Variants in ASCC3 observed in about 807,000 individuals in gnomAD.
ASCC3 encodes activating signal cointegrator 1 complex subunit 3, also known as ASC-1 complex subunit P200.
In ASCC3, 158 loss-of-function variants were observed where a neutral mutation model predicts 256.3. That is an observed-to-expected ratio of 0.62 (90% CI 0.54 to 0.70). The LOEUF is 0.70. Ranked by LOEUF, ASCC3 falls within the 30% of genes least tolerant of loss-of-function variation. The pLI, the probability that ASCC3 is intolerant of heterozygous loss-of-function variation, is 0.00. For missense variants in ASCC3, 2,259 were observed against 2,626.0 expected, an observed-to-expected ratio of 0.86 and a Z score of 3.05; for synonymous variants, 948 against 883.4, an observed-to-expected ratio of 1.07 and a Z score of -1.30.
chr6:100,573,998 C>T (rs538733758), intron 36 of ASCC3, among the ~76,000 whole-genome samples: 20 of 152,022 alleles, frequency 1.3e-4, no homozygotes, highest in Non-Finnish European at 2.6e-4. Context: ...CTCCTTTTGC[C>T]TTGAATGCTG....
chr6:100,823,212 G>A (rs1771139160), intron 4 of ASCC3, among the ~76,000 whole-genome samples: 1 of 152,152 alleles, frequency 6.6e-6, no homozygotes, highest in South Asian at 2.1e-4. Flanking sequence ...AACAGGTGCT[G>A]TTCTCACTCA....
At chr6:100,639,913 G>A (rs570822624) in intron 24 of ASCC3, among the ~76,000 whole-genome samples, 15 of 152,144 alleles carry the variant, frequency 9.9e-5, no homozygotes, top group African/African-American at 3.6e-4. Context: ...TCAGGAGTTC[G>A]AGAACAGCCT....
chr6:100,673,852 G>T (rs1360550751), intron 14 of ASCC3, among the ~76,000 whole-genome samples: 2 of 152,152 alleles, frequency 1.3e-5, no homozygotes, highest in Non-Finnish European at 2.9e-5. Context: ...AGCCCTCCAT[G>T]CACCTTACAT....
intron 34 of ASCC3, among the ~76,000 whole-genome samples, chr6:100,600,580 T>C (rs746964035): frequency 1.5e-4 from 23 of 152,140 alleles, no homozygotes; most frequent in Non-Finnish European, 2.5e-4. Flanking sequence ...AGTGAAAATG[T>C]TGGCTGAAAA....
At chr6:100,601,153 G>A (rs896487186) in intron 34 of ASCC3, among the ~76,000 whole-genome samples, 1 of 152,040 alleles carries the variant, frequency 6.6e-6, no homozygotes, top group Admixed American at 6.6e-5. Flanking sequence ...TTTGGATGAA[G>A]TGTCACCTTT....
At chr6:100,704,771 T>C (rs1778506803) in intron 13 of ASCC3, among the ~76,000 whole-genome samples, 1 of 152,034 alleles carries the variant, frequency 6.6e-6, no homozygotes, top group Non-Finnish European at 1.5e-5. Flanking sequence ...CAAGGCCTTT[T>C]ATTCCTTAAA....
intron 1 of ASCC3, among the ~76,000 whole-genome samples, chr6:100,877,478 T>C (rs1274391541): frequency 6.6e-6 from 1 of 152,216 alleles, no homozygotes; most frequent in Non-Finnish European, 1.5e-5. Flanking sequence ...TTGTTAACAT[T>C]AGCAAGATCA....
chr6:100,682,610 A>T (rs1370616985), intron 13 of ASCC3, among the ~76,000 whole-genome samples: 1 of 152,180 alleles, frequency 6.6e-6, no homozygotes, highest in Non-Finnish European at 1.5e-5. Context: ...TGCAGTTCCT[A>T]CTATGTGCCA....
At chr6:100,600,235 A>ACACACACG (rs1562153442) in intron 34 of ASCC3, among the ~76,000 whole-genome samples, 26 of 145,312 alleles carry the variant, frequency 1.8e-4, no homozygotes, top group East Asian at 4.0e-4. Context: ...ACACACACAC[A>ACACACACG]CACAGTTGTA....
At chr6:100,510,255 T>C (rs1773697517) in intron 40 of ASCC3, 148 bp from the exon 41 acceptor site, 2 of 869,880 alleles carry the variant, frequency 2.3e-6, no homozygotes, top group East Asian at 2.5e-5. Context: ...TTTTCTTCCA[T>C]TCTGGTTTGG....
At chr6:100,727,834 G>A (rs1779712194) in intron 10 of ASCC3, among the ~76,000 whole-genome samples, 1 of 152,006 alleles carries the variant, frequency 6.6e-6, no homozygotes, top group Non-Finnish European at 1.5e-5. Flanking sequence ...GGAGGGGGAG[G>A]GGGGCCAGAC....
At chr6:100,718,728 ACT>A (rs1431169655) in intron 11 of ASCC3, among the ~76,000 whole-genome samples, 3 of 152,054 alleles carry the variant, frequency 2.0e-5, no homozygotes, top group South Asian at 2.1e-4. Context: ...ACAGAGTAAA[ACT>A]CTGTTTCAAA....
intron 41 of ASCC3, 72 bp downstream of exon 41, chr6:100,509,860 C>A (rs1176147257): frequency 6.1e-6 from 9 of 1,485,996 alleles, no homozygotes; most frequent in Non-Finnish European, 7.4e-6. Flanking sequence ...TGCACTCCAG[C>A]CTGGGCGACA....
intron 4 of ASCC3, among the ~76,000 whole-genome samples, chr6:100,812,092 T>C (rs907864731): frequency 8.5e-5 from 13 of 152,248 alleles, no homozygotes; most frequent in African/African-American, 3.1e-4. Flanking sequence ...AGAAGCTTAA[T>C]ACTGTGAAGT....
intron 36 of ASCC3, among the ~76,000 whole-genome samples, chr6:100,583,477 T>C (rs916784575): frequency 1.6e-4 from 25 of 152,060 alleles, no homozygotes; most frequent in African/African-American, 6.0e-4. Context: ...TTCTTCTCTC[T>C]TTTCTTCTTT....
intron 8 of ASCC3, among the ~76,000 whole-genome samples, chr6:100,776,924 A>G (rs1192643700): frequency 6.6e-6 from 1 of 151,994 alleles, no homozygotes; most frequent in Non-Finnish European, 1.5e-5. Flanking sequence ...ACATTACATA[A>G]TTTTCACAGT....
intron 4 of ASCC3, among the ~76,000 whole-genome samples, chr6:100,838,837 T>C (rs1772002302): frequency 6.6e-6 from 1 of 152,042 alleles, no homozygotes; most frequent in Non-Finnish European, 1.5e-5. Context: ...AACCATTATG[T>C]GTGTATGTAT....
chr6:100,580,838 T>C (rs1392596807), intron 36 of ASCC3, among the ~76,000 whole-genome samples: 2 of 149,878 alleles, frequency 1.3e-5, no homozygotes, highest in Non-Finnish European at 3.0e-5. Flanking sequence ...CGGTGTTTGG[T>C]TTTTTGGTCT....
chr6:100,702,112 A>G (rs1305107787), intron 13 of ASCC3, among the ~76,000 whole-genome samples: 2 of 152,032 alleles, frequency 1.3e-5, no homozygotes, highest in East Asian at 3.9e-4. Context: ...TCTGTCAATA[A>G]GAGGGACAGA....
Sources: allele counts gnomAD v4.1 joint callset (sites outside exome capture counted in the v4.1 genomes callset), GRCh38; gene constraint gnomAD v4.1.1; transcripts MANE v1.5; gene names NCBI Gene and HGNC (gene_info 2026-07-23, HGNC 2026-07-21).